Variants in UMODL1 observed in about 807,000 individuals in gnomAD.
The protein encoded by UMODL1 is uromodulin like 1, also known as uromodulin-like 1.
In UMODL1, 128 loss-of-function variants were observed where a neutral mutation model predicts 136.3. The ratio of observed to expected loss-of-function variants is 0.94; its 90% CI spans 0.81 to 1.09. The LOEUF (loss-of-function observed/expected upper bound fraction) is 1.09. UMODL1 is among the 50% of genes least tolerant of loss of function. The probability of loss-of-function intolerance (pLI) is 0.00; values close to 1 mark genes in which losing one functional copy is unlikely to be tolerated. For missense variants in UMODL1, 1,766 were observed against 1,725.6 expected (o/e 1.02, Z -0.41); for synonymous variants, 721 against 720.0 (o/e 1.00, Z -0.02).
chr21:42,124,673 G>A (rs2123355860), intron 17 of UMODL1, among the ~76,000 whole-genome samples: 1 of 152,208 alleles, frequency 6.6e-6, no homozygotes. Context: ...CTCTCCTAAT[G>A]GGGACATTGT....
Position 42,095,089 on chromosome 21 carries a change from G to GGTTTT in UMODL1, c.932-3837_932-3836insGTTTT, listed in dbSNP as rs1555922532. ...CATCACTCCTTTGTTTTCTTCTGCTGTTTTTTTTTTTTTTTTTTTTTTTGA... is the reference window on the plus strand; with the variant it reads ...CATCACTCCTTTGTTTTCTTCTGCTGGTTTTTTTTTTTTTTTTTTTTTTTTTTTGA... On this transcript the variant is annotated intron_variant, in intron 6 of 22. Coordinates refer to ENST00000408910, the MANE Select transcript of UMODL1 (RefSeq NM_001004416.3). 7.4e-4 allele frequency among the ~76,000 whole-genome samples: 45 copies of GGTTTT among 61,202 alleles called. 3 individuals are homozygous for GGTTTT. Among genetic ancestry groups the GGTTTT allele is most frequent in the African/African-American group, 2.1e-3 (33 of 15,894 alleles). The allele number at this position is 61,202 out of a possible 152,430, so 40.2% of individuals were successfully genotyped here. A position where few individuals can be genotyped will look rare whatever the true frequency, so the allele number is the denominator to read the frequency against.
At position 42,127,262 on chromosome 21, in the gene UMODL1, G is replaced by A. The variant is rs1011761864; in HGVS notation, c.3530+20G>A. On this transcript the variant is annotated intron_variant, in intron 19 of 22. Coordinates refer to ENST00000408910, the MANE Select transcript of UMODL1 (RefSeq NM_001004416.3). ...CAACAGGTAGGGCTCAGGAGTGCAG[G>A]CACCCCCATCCAGCAATGCCTGGGG... 4 of 1,603,674 alleles carry A rather than the reference G, an allele frequency of 2.5e-6. No individual in the cohort carries two copies. Among genetic ancestry groups the A allele is most frequent in the Non-Finnish European group, 3.4e-6 (4 of 1,170,930 alleles).
chr21:42,115,435 A>G (rs908698473), intron 13 of UMODL1, among the ~76,000 whole-genome samples: 2 of 152,234 alleles, frequency 1.3e-5, no homozygotes, highest in Non-Finnish European at 2.9e-5. Context: ...GTGGACTCTG[A>G]GCAGAGGCCT....
At chr21:42,110,373 G>A (rs1340385041) in intron 10 of UMODL1, among the ~76,000 whole-genome samples, 2 of 152,246 alleles carry the variant, frequency 1.3e-5, no homozygotes, top group Non-Finnish European at 1.5e-5. Flanking sequence ...AGGAGCAGCC[G>A]AGACCAGTTC....
intron 21 of UMODL1, among the ~76,000 whole-genome samples, chr21:42,135,225 C>A (rs764030283): frequency 3.9e-5 from 6 of 152,250 alleles, no homozygotes; most frequent in Non-Finnish European, 7.3e-5. Flanking sequence ...GAGATAGATG[C>A]CCTGTTTGGC....
chr21:42,099,260 T>C lies in UMODL1; in HGVS notation c.1186+80T>C, dbSNP rs558488466. On this transcript the variant is annotated intron_variant, in intron 7 of 22. Transcript: ENST00000408910. This position sits in a 1 kb window ranked among gnomAD's most constrained non-coding sequence, Gnocchi z 4.1. ...AGGTCTGTGGCCCTAGCATGTCGCG[T>C]TCTTCTTCCTATAACCAGGGCACCA... is the stretch of plus-strand genomic sequence containing the variant. The C allele has an allele frequency of 1.2e-5, 19 of 1,531,364 alleles. No individual in the cohort carries two copies. Among genetic ancestry groups the C allele is most frequent in the Middle Eastern group, 2.4e-4 (1 of 4,092 alleles). 94.9% of individuals were successfully genotyped at this position (1,531,364 alleles called of 1,614,324 possible).
At chr21:42,141,563 C>T (rs1487845890) in intron 22 of UMODL1, among the ~76,000 whole-genome samples, 1 of 152,246 alleles carries the variant, frequency 6.6e-6, no homozygotes, top group Non-Finnish European at 1.5e-5. Context: ...CTGGATGTCC[C>T]CTTCCTCGAA....
At position 42,085,181 on chromosome 21, in the gene UMODL1, G is replaced by A. The variant is rs1033710201; in HGVS notation, c.482-110G>A. On this transcript the variant is annotated intron_variant, in intron 3 of 22. Coordinates refer to ENST00000408910, the MANE Select transcript of UMODL1 (RefSeq NM_001004416.3). The surrounding 1 kb of genome is among the most constrained non-coding windows in gnomAD (Gnocchi z 4.5). ...TTTGCAGGGAGGTAAATGCAGAGCA[G>A]GGCCTCTCATGGCCTCTGGTTCCCT... 2.2e-6 allele frequency: 3 copies of A among 1,389,336 alleles called. No individual in the cohort carries two copies. In the African/African-American group the frequency reaches 4.3e-5, roughly 20 times the overall value. 86.1% of individuals were successfully genotyped at this position (1,389,336 alleles called of 1,614,324 possible).
Position 42,084,071 on chromosome 21 carries a change from C to G in UMODL1, c.320-13C>G. 6.2e-7 allele frequency: 1 copy of G among 1,609,270 alleles called. No homozygotes were observed. The highest frequency in any genetic ancestry group is 8.5e-7 in the Non-Finnish European group (1 of 1,176,960). On this transcript the variant is annotated splice_polypyrimidine_tract_variant and intron_variant, in intron 2 of 22. Coordinates refer to ENST00000408910, the MANE Select transcript of UMODL1 (RefSeq NM_001004416.3). ...TTATCGCCAGTATCATTAATTGTATCATTTTCTCCCAGCCCTGAATCAGTC... is the reference window on the plus strand; with the variant it reads ...TTATCGCCAGTATCATTAATTGTATGATTTTCTCCCAGCCCTGAATCAGTC...
At chr21:42,111,384 C>A (rs437484) in intron 11 of UMODL1, 122 bp from the exon 12 acceptor site, 1 of 1,611,226 alleles carries the variant, frequency 6.2e-7, no homozygotes, top group Non-Finnish European at 8.5e-7. Context: ...ACCAGCCAGG[C>A]GAGCCCCAGC....
chr21:42,077,849 G>A (rs1284542160), intron 2 of UMODL1, among the ~76,000 whole-genome samples: 2 of 152,176 alleles, frequency 1.3e-5, no homozygotes, highest in African/African-American at 2.4e-5. Context: ...AGAATGGAGC[G>A]TGGACTCCGC....
chr21:42,109,405 G>C (rs220120), intron 9 of UMODL1, among the ~76,000 whole-genome samples, 157 bp from the exon 10 acceptor site: 91,638 of 152,040 alleles, frequency 0.6, 27,749 homozygotes, highest in East Asian at 0.71. Flanking sequence ...AGGCCGTAAG[G>C]TTGTCATGAG....
In UMODL1 at chr21:42,085,440, C is replaced by T. The variant is rs2066414959; in HGVS notation, c.603+28C>T. ...AGGTGAGACAGACGGGGGCTGCCTG[C>T]ACCCTCCTTGTGGCAGCTGCTCAGG... On this transcript the variant is annotated intron_variant, in intron 4 of 22. Transcript: ENST00000408910. The surrounding 1 kb of genome is among the most constrained non-coding windows in gnomAD (Gnocchi z 4.5). 2.5e-6 allele frequency: 4 copies of T among 1,612,998 alleles called. No homozygotes were observed. Among genetic ancestry groups the T allele is most frequent in the East Asian group, 2.2e-5 (1 of 44,876 alleles).
chr21:42,110,834 C>T (rs1674407429), intron 10 of UMODL1, 46 bp from the exon 11 acceptor site: 12 of 1,529,518 alleles, frequency 7.8e-6, no homozygotes, highest in African/African-American at 1.4e-5. Context: ...GGCTCTTACT[C>T]GTGGGTGGGA....
rs1165835762 is a variant in UMODL1 at position 42,111,706 on chromosome 21, C to T, written c.2100C>T (p.Ala700=). ...TSTLTALKTP[A]CVPVSIGRIM... ...CCCTCACAGCTCTGAAGACCCCCGCCTGTGGTGAGTTCCTCGAATGGTGCA... is the reference window on the plus strand; with the variant it reads ...CCCTCACAGCTCTGAAGACCCCCGCTTGTGGTGAGTTCCTCGAATGGTGCA... The change falls in exon 12 of 23, where the codon GCC becomes GCT. Residue 700 remains alanine (A), a synonymous_variant. Coordinates refer to ENST00000408910, the MANE Select transcript of UMODL1 (RefSeq NM_001004416.3). The T allele has an allele frequency of 1.9e-6, 3 of 1,609,594 alleles. No individual in the cohort carries two copies. Among genetic ancestry groups the T allele is most frequent in the Non-Finnish European group, 2.5e-6 (3 of 1,177,558 alleles).
chr21:42,092,326 G>A (rs1001099746), intron 6 of UMODL1, among the ~76,000 whole-genome samples: 1 of 152,164 alleles, frequency 6.6e-6, no homozygotes, highest in Non-Finnish European at 1.5e-5. Context: ...AGCTGATCCC[G>A]GCTCTTTCTA....
At chr21:42,104,112 T>A in intron 9 of UMODL1, 25 bp downstream of exon 9, 1 of 1,589,676 alleles carries the variant, frequency 6.3e-7, no homozygotes, top group South Asian at 1.1e-5. Context: ...CCCGCCCTGC[T>A]GCCTGGTGTC....
rs117464073 is a variant in UMODL1, at chr21:42,142,283, C to T, written c.*209C>T. On this transcript the variant is annotated 3_prime_UTR_variant, in exon 23 of 23. Coordinates refer to ENST00000408910, the MANE Select transcript of UMODL1 (RefSeq NM_001004416.3). ...AGCCCAGAAAGGAAGACAGCAGCCA[C>T]CGTCTGTCCCGAAGAGGCAGGCCGT... 5,556 of 152,460 alleles carry T rather than the reference C, an allele frequency of 0.036. 147 individuals are homozygous for T. Among genetic ancestry groups the T allele is most frequent in the Non-Finnish European group, 0.058 (3,944 of 68,130 alleles). The allele number at this position is 152,460 out of a possible 1,614,324, so 9.4% of individuals were successfully genotyped here. A position where few individuals can be genotyped will look rare whatever the true frequency, so the allele number is the denominator to read the frequency against.
chr21:42,128,487 T>C (rs548067648), intron 20 of UMODL1, among the ~76,000 whole-genome samples: 1 of 152,364 alleles, frequency 6.6e-6, no homozygotes, highest in South Asian at 2.1e-4. Flanking sequence ...TAGTGCTTGT[T>C]CCTGCTCTCA....
Sources: gnomAD v4.1 joint callset for allele counts (sites outside exome capture counted in the v4.1 genomes callset) on GRCh38, gnomAD v4.1.1 for gene constraint, Gnocchi (gnomAD v3.1) non-coding constraint, MANE v1.5 for transcripts, NCBI Gene and HGNC (gene_info 2026-07-23, HGNC 2026-07-21) for gene names.